Variants in LRMDA observed in about 807,000 individuals in gnomAD.
LRMDA encodes the protein leucine-rich melanocyte differentiation-associated protein.
Under a neutral mutation model 29.8 loss-of-function variants are expected in LRMDA, and 18 were observed. The ratio of observed to expected loss-of-function variants is 0.60; its 90% CI spans 0.42 to 0.90. The LOEUF (loss-of-function observed/expected upper bound fraction) is 0.90, where lower values mean the gene tolerates loss of function less well. LRMDA is among the 40% of genes least tolerant of loss of function. The pLI, the probability that LRMDA is intolerant of heterozygous loss-of-function variation, is 0.00. For synonymous variants in LRMDA, 125 were observed against 109.4 expected (o/e 1.14, Z -0.89); for missense variants, 273 against 273.9 (o/e 1.00, Z 0.02).
At chr10:76,267,399 T>C (rs1431578588) in intron 5 of LRMDA, among the ~76,000 whole-genome samples, 1 of 152,208 alleles carries the variant, frequency 6.6e-6, no homozygotes, top group Non-Finnish European at 1.5e-5. Context: ...CAAAGTGTTG[T>C]GCGACCATCA....
chr10:76,426,514 A>G (rs1842127417), intron 6 of LRMDA, among the ~76,000 whole-genome samples: 1 of 152,134 alleles, frequency 6.6e-6, no homozygotes, highest in Non-Finnish European at 1.5e-5. Flanking sequence ...CCTTTGTCAG[A>G]TGAGTAGATT....
chr10:76,117,276 G>A (rs967632827), intron 5 of LRMDA, among the ~76,000 whole-genome samples: 4 of 152,210 alleles, frequency 2.6e-5, no homozygotes, highest in African/African-American at 9.6e-5. Flanking sequence ...GAGGGAGTAA[G>A]TTGAATAAGA....
chr10:75,596,784 T>C (rs1840794842), intron 2 of LRMDA, among the ~76,000 whole-genome samples: 1 of 152,168 alleles, frequency 6.6e-6, no homozygotes, highest in Non-Finnish European at 1.5e-5. Flanking sequence ...TACTCTCATA[T>C]CTAGCTGGGA....
At chr10:75,896,841 TTGTGTGTGTGTGTG>T (rs35428137) in intron 2 of LRMDA, among the ~76,000 whole-genome samples, 1 of 147,442 alleles carries the variant, frequency 6.8e-6, no homozygotes, top group Non-Finnish European at 1.5e-5. Context: ...GAGTGTGCAT[TTGTGTGTGTGTGTG>T]TGTGTGTGTG....
chr10:75,527,961 T>A (rs945535791), intron 2 of LRMDA, among the ~76,000 whole-genome samples: 1 of 151,910 alleles, frequency 6.6e-6, no homozygotes, highest in Non-Finnish European at 1.5e-5. Context: ...TTTTTGTGTT[T>A]TTTTTGTAGA....
chr10:76,540,345 A>G (rs1316271693), intron 6 of LRMDA, among the ~76,000 whole-genome samples: 1 of 151,312 alleles, frequency 6.6e-6, no homozygotes, highest in Non-Finnish European at 1.5e-5. Context: ...AATTCCCAAG[A>G]CATTGTCACG....
intron 6 of LRMDA, among the ~76,000 whole-genome samples, chr10:76,338,315 T>C (rs1278109728): frequency 6.6e-6 from 1 of 151,928 alleles, no homozygotes; most frequent in African/African-American, 2.4e-5. Flanking sequence ...ATTGAGCCTG[T>C]GAATAGCCAT....
chr10:75,966,464 G>A (rs190774370), intron 2 of LRMDA, among the ~76,000 whole-genome samples: 3 of 152,348 alleles, frequency 2.0e-5, no homozygotes. Flanking sequence ...ACAGCATGCA[G>A]CAAGTCTGCT....
At chr10:76,375,723 A>ATTT (rs35821785) in intron 6 of LRMDA, among the ~76,000 whole-genome samples, 6 of 142,930 alleles carry the variant, frequency 4.2e-5, no homozygotes, top group African/African-American at 5.2e-5. Flanking sequence ...TCCATGCTGA[A>ATTT]TTTTTTTTTT....
intron 5 of LRMDA, among the ~76,000 whole-genome samples, chr10:76,101,857 A>G (rs1427756033): frequency 1.3e-5 from 2 of 152,178 alleles, no homozygotes; most frequent in Non-Finnish European, 2.9e-5. Context: ...AAACATTTCC[A>G]TTGTTCCAAA....
chr10:75,868,237 G>C (rs1319283442), intron 2 of LRMDA, among the ~76,000 whole-genome samples: 1 of 152,130 alleles, frequency 6.6e-6, no homozygotes, highest in Non-Finnish European at 1.5e-5. Context: ...AGAGTGGATG[G>C]GAATGAAGAC....
chr10:75,635,683 C>T (rs569518519), intron 2 of LRMDA, among the ~76,000 whole-genome samples: 6 of 152,018 alleles, frequency 3.9e-5, no homozygotes, highest in East Asian at 1.9e-4. Flanking sequence ...AAAAATTGGT[C>T]GTTATTGACA....
intron 6 of LRMDA, among the ~76,000 whole-genome samples, chr10:76,374,932 G>C (rs1262466390): frequency 6.6e-6 from 1 of 152,148 alleles, no homozygotes; most frequent in African/African-American, 2.4e-5. Flanking sequence ...TAATGAAACT[G>C]TAGAAACATA....
At chr10:76,169,244 A>G (rs1226434020) in intron 5 of LRMDA, among the ~76,000 whole-genome samples, 2 of 152,220 alleles carry the variant, frequency 1.3e-5, no homozygotes, top group Non-Finnish European at 2.9e-5. Context: ...TTCATTCCAC[A>G]GTGCTTTCAG....
chr10:75,523,621 G>A (rs1845385297), intron 2 of LRMDA, among the ~76,000 whole-genome samples: 1 of 152,142 alleles, frequency 6.6e-6, no homozygotes, highest in Non-Finnish European at 1.5e-5. Flanking sequence ...GTCCAAATCA[G>A]GACCCTTTTG....
chr10:75,977,808 T>A (rs1189704469), intron 2 of LRMDA, among the ~76,000 whole-genome samples: 1 of 152,186 alleles, frequency 6.6e-6, no homozygotes, highest in Non-Finnish European at 1.5e-5. Context: ...TGAGAACTCA[T>A]CTTCTGGTGT....
rs148231743 is a variant in LRMDA, at chr10:76,529,971, A to G, written c.602-27238A>G. 3.7e-3 allele frequency among the ~76,000 whole-genome samples: 566 copies of G among 152,252 alleles called. 1 individual carries two copies. Among genetic ancestry groups the G allele is most frequent in the Non-Finnish European group, 6.8e-3 (460 of 68,012 alleles). ...AGAGAAAGTCTTTGAGGCCAAGCATAAGGGCTGATTTGCCAATGGGACTTA... is the reference window on the plus strand; with the variant it reads ...AGAGAAAGTCTTTGAGGCCAAGCATGAGGGCTGATTTGCCAATGGGACTTA... On this transcript the variant is annotated intron_variant, in intron 6 of 6. Coordinates refer to ENST00000611255, the MANE Select transcript of LRMDA (RefSeq NM_001305581.2).
chr10:75,623,678 A>G (rs1426105441), intron 2 of LRMDA, among the ~76,000 whole-genome samples: 1 of 152,262 alleles, frequency 6.6e-6, no homozygotes, highest in African/African-American at 2.4e-5. Flanking sequence ...GAGGAAAAAT[A>G]CCACCACGGA....
chr10:76,036,286 G>T, intron 3 of LRMDA, 152 bp downstream of exon 3: 1 of 798,854 alleles, frequency 1.3e-6, no homozygotes. Flanking sequence ...GGCAGACAAA[G>T]CATTCTGTCT....
Sources: gnomAD v4.1 joint callset for allele counts (sites outside exome capture counted in the v4.1 genomes callset) on GRCh38, gnomAD v4.1.1 for gene constraint, MANE v1.5 for transcripts, NCBI Gene and HGNC (gene_info 2026-07-23, HGNC 2026-07-21) for gene names.